LURAP1: variants seen among roughly 807,000 people sequenced by gnomAD.
The protein encoded by LURAP1 is NF-kappa-B activator C1orf190.
Under a neutral mutation model 19.0 loss-of-function variants are expected in LURAP1, and 14 were observed. That is an observed-to-expected ratio of 0.74 (90% CI 0.49 to 1.15). The LOEUF (loss-of-function observed/expected upper bound fraction) is 1.15. Among genes scored for constraint, LURAP1 ranks in the 50% most tolerant of loss-of-function variants. The pLI is 0.00. For synonymous variants in LURAP1, 129 were observed against 131.8 expected (o/e 0.98, Z 0.14); for missense variants, 273 against 309.1 (o/e 0.88, Z 0.87).
chr1:46,208,477 A>T (rs573356524), intron 1 of LURAP1, among the ~76,000 whole-genome samples: 1 of 152,298 alleles, frequency 6.6e-6, no homozygotes, highest in Non-Finnish European at 1.5e-5. Flanking sequence ...GGCAAGGAAG[A>T]CTTCCTCGAG....
At chr1:46,219,617 A>G in intron 1 of LURAP1, 82 bp from the exon 2 acceptor site, 1 of 1,423,372 alleles carries the variant, frequency 7.0e-7, no homozygotes, top group Non-Finnish European at 9.4e-7. Context: ...TGGTTGGCTG[A>G]ACCACAAGGT....
chr1:46,220,279 C>G lies in LURAP1; in HGVS notation c.*59C>G. The G allele has an allele frequency of 6.6e-7, 1 of 1,505,660 alleles. No homozygotes were observed. The highest frequency in any genetic ancestry group is 8.9e-7 in the Non-Finnish European group (1 of 1,125,298). The allele number at this position is 1,505,660 out of a possible 1,614,324, so 93.3% of individuals were successfully genotyped here. A position where few individuals can be genotyped will look rare whatever the true frequency, so the allele number is the denominator to read the frequency against. On this transcript the variant is annotated 3_prime_UTR_variant, in exon 2 of 2. Coordinates refer to ENST00000371980, the MANE Select transcript of LURAP1 (RefSeq NM_001013615.3). ...TTTTATCCATTAGATGTGGTCTCCCCCAAAATTGATTCTCCCTCAGTCTGA... is the reference window on the plus strand; with the variant it reads ...TTTTATCCATTAGATGTGGTCTCCCGCAAAATTGATTCTCCCTCAGTCTGA...
chr1:46,204,986 G>T (rs768936299), intron 1 of LURAP1, among the ~76,000 whole-genome samples: 3 of 152,034 alleles, frequency 2.0e-5, no homozygotes, highest in Non-Finnish European at 4.4e-5. Context: ...GGGTGGGCAT[G>T]GTGGCTCACG....
At chr1:46,217,533 G>A (rs1204630564) in intron 1 of LURAP1, among the ~76,000 whole-genome samples, 1 of 152,162 alleles carries the variant, frequency 6.6e-6, no homozygotes, top group Non-Finnish European at 1.5e-5. Flanking sequence ...AAGGGTATCT[G>A]TATGGCAGGG....
At chr1:46,203,768 T>G in intron 1 of LURAP1, 144 bp downstream of exon 1, 1 of 753,662 alleles carries the variant, frequency 1.3e-6, no homozygotes, top group Non-Finnish European at 2.0e-6. Flanking sequence ...GATCAATCCG[T>G]AAACGCTGGG....
At position 46,220,563 on chromosome 1, in the gene LURAP1, A is replaced by G. The variant is rs1659207671; in HGVS notation, c.*343A>G. ...TCCTATTTCAGCCTCCCCCATAGTT[A>G]GGACCACAGGCATGCACCACCATGC... On this transcript the variant is annotated 3_prime_UTR_variant, in exon 2 of 2. Coordinates refer to ENST00000371980, the MANE Select transcript of LURAP1 (RefSeq NM_001013615.3). 2 of 195,530 alleles carry G rather than the reference A, an allele frequency of 1.0e-5. No individual in the cohort carries two copies. The highest frequency in any genetic ancestry group is 2.5e-4 in the East Asian group (2 of 7,852). The allele number at this position is 195,530 out of a possible 1,614,324, so 12.1% of individuals were successfully genotyped here. A position where few individuals can be genotyped will look rare whatever the true frequency, so the allele number is the denominator to read the frequency against.
chr1:46,220,014 G>A lies in LURAP1; in HGVS notation c.514G>A (p.Ala172Thr), dbSNP rs747833250. 1 of 1,614,260 alleles carries A rather than the reference G, an allele frequency of 6.2e-7. No individual in the cohort carries two copies. Among genetic ancestry groups the A allele is most frequent in the Non-Finnish European group, 8.5e-7 (1 of 1,180,052 alleles). The change falls in exon 2 of 2, where the codon GCA becomes ACA. Residue 172 changes from alanine (A) to threonine (T), a missense_variant. Ala to Thr is a moderately conservative substitution (Grantham distance 58). Coordinates refer to ENST00000371980, the MANE Select transcript of LURAP1 (RefSeq NM_001013615.3). Reference sequence around the variant, plus strand: ...GGCTCCACGTTCCGAGATGGACTGGGCAAAAGTTATAGCTGGTGGAGAGAG... The same window carrying A: ...GGCTCCACGTTCCGAGATGGACTGGACAAAAGTTATAGCTGGTGGAGAGAG... ...PGAPRSEMDW[A>T]KVIAGGERAR...
chr1:46,215,780 C>T (rs1371927320), intron 1 of LURAP1, among the ~76,000 whole-genome samples: 2 of 152,032 alleles, frequency 1.3e-5, no homozygotes. Flanking sequence ...TGCCTGTAGT[C>T]CAGCTACTTA....
intron 1 of LURAP1, among the ~76,000 whole-genome samples, chr1:46,219,210 G>C (rs964163127): frequency 6.6e-6 from 1 of 151,710 alleles, no homozygotes; most frequent in Non-Finnish European, 1.5e-5. Context: ...CAGGAGAATC[G>C]CTTGAACCCA....
intron 1 of LURAP1, among the ~76,000 whole-genome samples, chr1:46,205,382 C>T (rs1010758811): frequency 2.0e-5 from 3 of 152,124 alleles, no homozygotes; most frequent in Admixed American, 6.5e-5. Flanking sequence ...AAAGCAGGGC[C>T]ATGATTTGAA....
Position 46,203,627 on chromosome 1 carries a change from G to A in LURAP1, c.198+3G>A. Reference sequence around the variant, plus strand: ...TCATGGCGCTGAAGATGGAGCTGGTGAGTGCTGAATCCATGGGCCAAGGGG... The same window carrying A: ...TCATGGCGCTGAAGATGGAGCTGGTAAGTGCTGAATCCATGGGCCAAGGGG... On this transcript the variant is annotated splice_donor_region_variant and intron_variant, in intron 1 of 1. Coordinates refer to ENST00000371980, the MANE Select transcript of LURAP1 (RefSeq NM_001013615.3). 6.2e-7 allele frequency: 1 copy of A among 1,601,684 alleles called. No homozygotes were observed. The highest frequency in any genetic ancestry group is 8.5e-7 in the Non-Finnish European group (1 of 1,175,810).
rs201022501 is a variant in LURAP1, at chr1:46,220,050, G to A, written c.550G>A (p.Glu184Lys). The A allele has an allele frequency of 6.2e-7, 1 of 1,614,264 alleles. No individual in the cohort carries two copies. Among genetic ancestry groups the A allele is most frequent in the East Asian group, 2.2e-5 (1 of 44,890 alleles). ...AGCTGGTGGAGAGAGGGCCAGGACT[G>A]AGGTGGATGTGGCAGCCACCAGGCT... ...VIAGGERARTEVDVAATRLGS... is the reference protein window; with the variant it reads ...VIAGGERARTKVDVAATRLGS... Residue 184 changes from glutamate to lysine, a missense_variant, in exon 2 of 2, where the codon GAG (glutamate) becomes AAG (lysine). Physicochemically the swap from Glu to Lys is moderately conservative, Grantham distance 56 (BLOSUM62 1). Transcript: ENST00000371980.
intron 1 of LURAP1, among the ~76,000 whole-genome samples, chr1:46,213,508 G>A (rs1212951235): frequency 6.6e-6 from 1 of 151,802 alleles, no homozygotes; most frequent in Non-Finnish European, 1.5e-5. Context: ...TAGAACAGAA[G>A]GTCTCTAGAT....
intron 1 of LURAP1, among the ~76,000 whole-genome samples, chr1:46,208,396 T>C (rs970937821): frequency 3.3e-5 from 5 of 152,156 alleles, no homozygotes; most frequent in African/African-American, 1.2e-4. Flanking sequence ...TCATCGAACA[T>C]AGTGCCACAC....
In LURAP1 at chr1:46,219,719, T is replaced by A; in HGVS notation, c.219T>A (p.Asp73Glu). 6.2e-7 allele frequency: 1 copy of A among 1,600,634 alleles called. No individual in the cohort carries two copies. Among genetic ancestry groups the A allele is most frequent in the Non-Finnish European group, 8.5e-7 (1 of 1,172,482 alleles). ...CCCAGGCTTACCTGCGAGCCATCGA[T>A]GTGAAGATCCTGCAGCAGCTGGTGA... Reference protein sequence around the residue: ...KMELAYLRAIDVKILQQLVTL... With the variant: ...KMELAYLRAIEVKILQQLVTL... The change falls in exon 2 of 2, where the codon GAT becomes GAA. Residue 73 changes from aspartate to glutamate, a missense_variant. By Grantham distance (45) the Asp-to-Glu change is conservative. Transcript: ENST00000371980.
At position 46,219,721 on chromosome 1, in the gene LURAP1, T is replaced by C. The variant is rs150947325; in HGVS notation, c.221T>C (p.Val74Ala). Residue 74 changes from valine (V) to alanine (A), a missense_variant, in exon 2 of 2, where the codon GTG becomes GCG. Val to Ala is a moderately conservative substitution (Grantham distance 64, BLOSUM62 0). Coordinates refer to ENST00000371980, the MANE Select transcript of LURAP1 (RefSeq NM_001013615.3). ...CAGGCTTACCTGCGAGCCATCGATG[T>C]GAAGATCCTGCAGCAGCTGGTGACC... ...MELAYLRAID[V>A]KILQQLVTLN... 1 of 1,601,526 alleles carries C rather than the reference T, an allele frequency of 6.2e-7. No homozygotes were observed. Among genetic ancestry groups the C allele is most frequent in the African/African-American group, 1.3e-5 (1 of 74,762 alleles).
In LURAP1 at chr1:46,208,421, A is replaced by G. The variant is rs116363636; in HGVS notation, c.198+4797A>G. Among the ~76,000 whole-genome samples the G allele has an allele frequency of 1.9e-3, 295 of 152,344 alleles. 1 individual carries two copies. The highest frequency in any genetic ancestry group is 7.0e-3 in the African/African-American group (291 of 41,586). ...TAGTGCCACACCAATAAGAAACAAT[A>G]AATATTGGTTCCATAACTGAATGGA... is the stretch of plus-strand genomic sequence containing the variant. On this transcript the variant is annotated intron_variant, in intron 1 of 1. Transcript: ENST00000371980.
rs746922360 is a variant in LURAP1, at chr1:46,220,036, A to G, written c.536A>G (p.Glu179Gly). 1.2e-6 allele frequency: 2 copies of G among 1,614,022 alleles called. No individual in the cohort carries two copies. The highest frequency in any genetic ancestry group is 2.2e-5 in the South Asian group (2 of 91,074). Residue 179 changes from glutamate (E) to glycine (G), a missense_variant, in exon 2 of 2, where the codon GAG becomes GGG. Transcript: ENST00000371980. ...TGGGCAAAAGTTATAGCTGGTGGAG[A>G]GAGGGCCAGGACTGAGGTGGATGTG... ...MDWAKVIAGG[E>G]RARTEVDVAA... is the part of the protein sequence containing the mutation.
chr1:46,203,350 AGC>A lies in LURAP1; in HGVS notation c.-76_-75del. 1 of 1,338,012 alleles carries A rather than the reference AGC, an allele frequency of 7.5e-7. No individual in the cohort carries two copies. Among genetic ancestry groups the A allele is most frequent in the Non-Finnish European group, 9.9e-7 (1 of 1,011,272 alleles). The allele number at this position is 1,338,012 out of a possible 1,614,324, so 82.9% of individuals were successfully genotyped here. ...GGACCCACCGGTTTTGCTCCGCTTT[AGC>A]AGCGGCGAAGGGAGGACCCCCGGGA... On this transcript the variant is annotated 5_prime_UTR_variant, in exon 1 of 2. Coordinates refer to ENST00000371980, the MANE Select transcript of LURAP1 (RefSeq NM_001013615.3).
Sources: gnomAD v4.1 joint callset for allele counts (sites outside exome capture counted in the v4.1 genomes callset) on GRCh38, gnomAD v4.1.1 for gene constraint, MANE v1.5 for transcripts, NCBI Gene and HGNC (gene_info 2026-07-23, HGNC 2026-07-21) for gene names.